KAZN: variants seen among roughly 807,000 people sequenced by gnomAD.
The protein encoded by KAZN is kazrin.
Under a neutral mutation model 87.4 loss-of-function variants are expected in KAZN, and 40 were observed. The observed-to-expected ratio is 0.46, with a 90% CI of 0.36 to 0.60. The LOEUF is 0.60. Ranked by LOEUF, KAZN falls within the 20% of genes least tolerant of loss-of-function variation. The pLI is 0.00. For synonymous variants in KAZN, 466 were observed against 458.3 expected, an observed-to-expected ratio of 1.02 and a Z score of -0.22; for missense variants, 898 against 1,073.9, an observed-to-expected ratio of 0.84 and a Z score of 2.29.
Position 15,114,519 on chromosome 1 carries a change from T to A in KAZN, c.2212T>A (p.Phe738Ile), listed in dbSNP as rs779345604. Reference protein sequence around the residue: ...GRGFSSKDPDFHDDYGSLQNE... With the variant: ...GRGFSSKDPDIHDDYGSLQNE... ...GGGCTTCAGCAGCAAAGATCCCGAT[T>A]TCCATGATGACTATGGCTCTCTTCA... The change falls in exon 15 of 15, where the codon TTC (phenylalanine) becomes ATC (isoleucine). Residue 738 changes from phenylalanine to isoleucine, a missense_variant. Phe to Ile is a conservative substitution (Grantham distance 21). Coordinates refer to ENST00000376030, the MANE Select transcript of KAZN (RefSeq NM_201628.3). 10 of 1,612,138 alleles carry A rather than the reference T, an allele frequency of 6.2e-6. No homozygotes were observed. In the East Asian group the frequency reaches 2.0e-4, roughly 32 times the overall value.
At chr1:14,817,011 A>G (rs1646586963) in intron 1 of KAZN, among the ~76,000 whole-genome samples, 2 of 152,194 alleles carry the variant, frequency 1.3e-5, no homozygotes, top group African/African-American at 4.8e-5. Context: ...TAACTCACCC[A>G]AGTTCCAACA....
chr1:14,760,358 G>T (rs766236444), intron 1 of KAZN, among the ~76,000 whole-genome samples: 1 of 152,180 alleles, frequency 6.6e-6, no homozygotes, highest in Non-Finnish European at 1.5e-5. Context: ...TGTGCCAGGC[G>T]TGGAATTAAA....
intron 1 of KAZN, among the ~76,000 whole-genome samples, chr1:14,685,956 G>A (rs1304077122): frequency 6.6e-6 from 1 of 152,210 alleles, no homozygotes; most frequent in African/African-American, 2.4e-5. Flanking sequence ...GAGGCCCAAA[G>A]AGATGGAGTA....
rs539507120 is a variant in KAZN at position 14,526,692 on chromosome 1, G to A, written c.250-72291G>A. Among the ~76,000 whole-genome samples the A allele has an allele frequency of 6.3e-4, 89 of 141,906 alleles. 1 individual carries two copies. In the South Asian group the frequency reaches 7.5e-3, roughly 12 times the overall value. 93.1% of individuals were successfully genotyped at this position (141,906 alleles called of 152,430 possible). A position where few individuals can be genotyped will look rare whatever the true frequency, so the allele number is the denominator to read the frequency against. ...TATTTTTAAACACATCCCTTGCACC[G>A]TCTCTCTGGATATCAAAAACCTCAT... On this transcript the variant is annotated intron_variant, in intron 2 of 16. Transcript: ENST00000636203.
intron 1 of KAZN, among the ~76,000 whole-genome samples, chr1:14,003,106 G>A (rs1639872692): frequency 6.6e-6 from 1 of 152,002 alleles, no homozygotes; most frequent in African/African-American, 2.4e-5. Flanking sequence ...CACAGGAACA[G>A]AAAACCAAAC....
intron 2 of KAZN, among the ~76,000 whole-genome samples, chr1:14,282,044 A>G (rs190116252): frequency 5.3e-4 from 81 of 152,328 alleles, no homozygotes; most frequent in African/African-American, 1.6e-3. Context: ...TCTTACATAT[A>G]GTATAGTGAA....
At chr1:14,802,404 CAAAAAAA>C (rs35172215) in intron 1 of KAZN, among the ~76,000 whole-genome samples, 12 of 135,334 alleles carry the variant, frequency 8.9e-5, no homozygotes, top group African/African-American at 1.3e-4. Flanking sequence ...ACTCTTGTCT[CAAAAAAA>C]AAAAAAAAAA....
chr1:14,204,684 A>T (rs935115123), intron 2 of KAZN, among the ~76,000 whole-genome samples: 4 of 152,238 alleles, frequency 2.6e-5, no homozygotes, highest in African/African-American at 4.8e-5. Context: ...TGGGATTAAA[A>T]AAACCTTTTA....
intron 1 of KAZN, among the ~76,000 whole-genome samples, chr1:14,932,451 G>A (rs1261230618): frequency 1.3e-5 from 2 of 152,188 alleles, no homozygotes; most frequent in South Asian, 2.1e-4. Context: ...GAGGTTTCGA[G>A]GAGAGCCTGC....
intron 2 of KAZN, among the ~76,000 whole-genome samples, chr1:15,018,902 G>A (rs910153302): frequency 3.3e-5 from 5 of 152,078 alleles, no homozygotes; most frequent in South Asian, 4.1e-4. Context: ...TTCAGATATC[G>A]TTTCCACCTG....
intron 2 of KAZN, among the ~76,000 whole-genome samples, chr1:14,408,182 C>A (rs1242358210): frequency 6.6e-6 from 1 of 152,148 alleles, no homozygotes; most frequent in East Asian, 1.9e-4. Flanking sequence ...TACATTTTTG[C>A]TGGGGTCTGG....
At position 13,991,966 on chromosome 1, in the gene KAZN, A is replaced by G. The variant is rs1639303968; in HGVS notation, c.91+98210A>G. 1.3e-5 allele frequency among the ~76,000 whole-genome samples: 2 copies of G among 151,994 alleles called. 1 individual carries two copies. The highest frequency in any genetic ancestry group is 4.2e-4 in the South Asian group (2 of 4,810). Reference sequence around the variant, plus strand: ...CTTCCTGGATGCCTTTTTCTCCATCATAGTCCTCACTCTCTACTACCCCAC... The same window carrying G: ...CTTCCTGGATGCCTTTTTCTCCATCGTAGTCCTCACTCTCTACTACCCCAC... On this transcript the variant is annotated intron_variant, in intron 1 of 16. Coordinates refer to the KAZN transcript ENST00000636203.
chr1:15,006,567 T>C (rs777563587), intron 2 of KAZN, among the ~76,000 whole-genome samples: 6 of 152,242 alleles, frequency 3.9e-5, no homozygotes, highest in Non-Finnish European at 8.8e-5. Context: ...CACTCATTCA[T>C]GCCGCACATA....
At chr1:14,304,890 G>C (rs1295265681) in intron 2 of KAZN, among the ~76,000 whole-genome samples, 1 of 151,728 alleles carries the variant, frequency 6.6e-6, no homozygotes, top group Non-Finnish European at 1.5e-5. Flanking sequence ...TCTTTCATCA[G>C]AACATTCTTT....
rs545607314 is a variant in KAZN, at chr1:14,629,444, C to G, written c.226+30221C>G. ...GCAACGAACAGAAACCCACGTTAAA[C>G]TGGTTGAAATGGTCAGGGATGCTCA... On this transcript the variant is annotated intron_variant, in intron 1 of 14. Transcript: ENST00000376030. 8.5e-4 allele frequency among the ~76,000 whole-genome samples: 130 copies of G among 152,320 alleles called. 1 individual carries two copies. The highest frequency in any genetic ancestry group is 1.5e-3 in the Non-Finnish European group (105 of 68,038).
At chr1:14,301,715 G>A (rs1654565952) in intron 2 of KAZN, among the ~76,000 whole-genome samples, 1 of 152,196 alleles carries the variant, frequency 6.6e-6, no homozygotes, top group Admixed American at 6.5e-5. Context: ...GTTCTATATA[G>A]AAGACATTTG....
intron 1 of KAZN, among the ~76,000 whole-genome samples, chr1:13,902,401 A>ACATGT (rs2100842099): frequency 6.6e-6 from 1 of 152,312 alleles, no homozygotes; most frequent in South Asian, 2.1e-4. Context: ...TCATTCTTGG[A>ACATGT]CATGTGTAGT....
intron 1 of KAZN, among the ~76,000 whole-genome samples, chr1:14,946,614 A>T (rs917476823): frequency 7.2e-5 from 11 of 152,162 alleles, no homozygotes; most frequent in Admixed American, 2.6e-4. Flanking sequence ...AGATCTGAAG[A>T]TGTGTGAACT....
chr1:13,953,831 A>G (rs1038281073), intron 1 of KAZN, among the ~76,000 whole-genome samples: 2 of 152,210 alleles, frequency 1.3e-5, no homozygotes, highest in African/African-American at 4.8e-5. Flanking sequence ...GGTACCAATC[A>G]TAATCTCAAA....
Sources: allele counts gnomAD v4.1 joint callset (sites outside exome capture counted in the v4.1 genomes callset), GRCh38; gene constraint gnomAD v4.1.1; transcripts MANE v1.5; gene names NCBI Gene and HGNC (gene_info 2026-07-23, HGNC 2026-07-21).